Variants in FHIP1A observed in about 807,000 individuals in gnomAD.
The protein encoded by FHIP1A is FHF complex subunit HOOK-interacting protein 1A.
In FHIP1A, 61 loss-of-function variants were observed where a neutral mutation model predicts 88.6. The ratio of observed to expected loss-of-function variants is 0.69; its 90% CI spans 0.56 to 0.85. The LOEUF (loss-of-function observed/expected upper bound fraction) is 0.85. Ranked by LOEUF, FHIP1A falls within the 40% of genes least tolerant of loss-of-function variation. The pLI is 0.00. For synonymous variants in FHIP1A, 478 were observed against 496.0 expected (o/e 0.96, Z 0.48); for missense variants, 1,154 against 1,273.5 (o/e 0.91, Z 1.43).
chr4:151,578,190 T>G (rs1353259274), intron 5 of FHIP1A, 114 bp downstream of exon 5: 2 of 941,306 alleles, frequency 2.1e-6, no homozygotes, highest in East Asian at 2.6e-5. Flanking sequence ...ACTTGGCACT[T>G]CCTATGGAAG....
chr4:151,453,167 C>T (rs975383358), intron 1 of FHIP1A, among the ~76,000 whole-genome samples: 27 of 151,950 alleles, frequency 1.8e-4, no homozygotes, highest in African/African-American at 6.5e-4. Context: ...AGGCGCCTTC[C>T]ACCATGTCTG....
chr4:151,467,665 T>G (rs1306308964), intron 2 of FHIP1A, among the ~76,000 whole-genome samples: 1 of 152,080 alleles, frequency 6.6e-6, no homozygotes, highest in Non-Finnish European at 1.5e-5. Flanking sequence ...AAGAATGAGA[T>G]CATGTCCTTT....
chr4:151,566,399 A>C, intron 4 of FHIP1A, 35 bp downstream of exon 4: 5 of 1,289,258 alleles, frequency 3.9e-6, no homozygotes, highest in Non-Finnish European at 5.5e-6. Context: ...TGCTGGTCTC[A>C]GTAACCCCAG....
chr4:151,507,930 G>A lies in FHIP1A; in HGVS notation c.-123+25282G>A, dbSNP rs189946937. Among the ~76,000 whole-genome samples, 239 of 152,310 alleles carry A rather than the reference G, an allele frequency of 1.6e-3. 1 individual carries two copies. Among genetic ancestry groups the A allele is most frequent in the African/African-American group, 5.3e-3 (220 of 41,578 alleles). On this transcript the variant is annotated intron_variant, in intron 3 of 13. Coordinates refer to ENST00000435205, the MANE Select transcript of FHIP1A (RefSeq NM_001109977.3). ...GTTTCTGATCCTGGAAGCTTGAGTAGTACTGAACTTAGAGTCTCTTTCTTG... is the reference window on the plus strand; with the variant it reads ...GTTTCTGATCCTGGAAGCTTGAGTAATACTGAACTTAGAGTCTCTTTCTTG...
intron 1 of FHIP1A, among the ~76,000 whole-genome samples, chr4:151,449,011 A>G (rs1728703861): frequency 6.6e-6 from 1 of 152,108 alleles, no homozygotes; most frequent in Non-Finnish European, 1.5e-5. Flanking sequence ...TTCTTTCATA[A>G]CATTTACCAC....
At chr4:151,649,385 A>G in intron 10 of FHIP1A, 74 bp from the exon 11 acceptor site, 4 of 1,079,620 alleles carry the variant, frequency 3.7e-6, no homozygotes. Context: ...CTTAGCCCGA[A>G]TGGGTCACAA....
At chr4:151,506,666 A>T (rs1000341942) in intron 3 of FHIP1A, among the ~76,000 whole-genome samples, 52 of 152,014 alleles carry the variant, frequency 3.4e-4, no homozygotes, top group African/African-American at 1.2e-3. Context: ...GAAGTTATTC[A>T]CTCCTAAGAA....
chr4:151,427,021 A>G (rs1042202286), intron 1 of FHIP1A, among the ~76,000 whole-genome samples: 8 of 152,154 alleles, frequency 5.3e-5, no homozygotes, highest in Non-Finnish European at 7.4e-5. Context: ...TAAAACACAC[A>G]TGCCCAATTC....
chr4:151,455,692 T>C (rs1187973566), intron 2 of FHIP1A, among the ~76,000 whole-genome samples: 1 of 152,226 alleles, frequency 6.6e-6, no homozygotes, highest in Admixed American at 6.5e-5. Flanking sequence ...TCTTGGTCAG[T>C]GGGACCACAT....
At chr4:151,464,476 A>C (rs1729241635) in intron 2 of FHIP1A, among the ~76,000 whole-genome samples, 1 of 152,210 alleles carries the variant, frequency 6.6e-6, no homozygotes, top group African/African-American at 2.4e-5. Context: ...GGCTCTGTGG[A>C]CCTCACTTTG....
intron 5 of FHIP1A, among the ~76,000 whole-genome samples, chr4:151,582,343 C>T (rs1336936647): frequency 6.6e-6 from 1 of 151,838 alleles, no homozygotes; most frequent in African/African-American, 2.4e-5. Context: ...CTGTGCATGT[C>T]ATCTTTCTTT....
chr4:151,649,347 A>G, intron 10 of FHIP1A, 112 bp from the exon 11 acceptor site: 1 of 657,404 alleles, frequency 1.5e-6, no homozygotes, highest in Non-Finnish European at 2.6e-6. Context: ...AGATATAATT[A>G]GACCCAAAGT....
chr4:151,580,045 G>A (rs926693399), intron 5 of FHIP1A, among the ~76,000 whole-genome samples: 1 of 152,046 alleles, frequency 6.6e-6, no homozygotes, highest in African/African-American at 2.4e-5. Flanking sequence ...TCCTTAATAC[G>A]ACTAGTATCC....
intron 4 of FHIP1A, among the ~76,000 whole-genome samples, chr4:151,566,875 G>A (rs1283994717): frequency 3.9e-5 from 6 of 152,104 alleles, no homozygotes; most frequent in South Asian, 2.1e-4. Context: ...AAATTACCGA[G>A]GTTAAATAAC....
Position 151,431,997 on chromosome 4 carries a change from C to T in FHIP1A, c.-356+22532C>T, listed in dbSNP as rs1580557201. Among the ~76,000 whole-genome samples the T allele has an allele frequency of 2.6e-5, 4 of 152,324 alleles. No individual in the cohort carries two copies. In the South Asian group the frequency reaches 8.3e-4, roughly 32 times the overall value. On this transcript the variant is annotated intron_variant, in intron 1 of 13. Transcript: ENST00000435205. Reference sequence around the variant, plus strand: ...TCTAAAGCAAAGCTGGTGACCTTAACTACTCTGTAGTACAGCCTTTCCTCT... The same window carrying T: ...TCTAAAGCAAAGCTGGTGACCTTAATTACTCTGTAGTACAGCCTTTCCTCT...
intron 5 of FHIP1A, among the ~76,000 whole-genome samples, chr4:151,578,976 G>A (rs549031179): frequency 1.3e-4 from 20 of 152,294 alleles, no homozygotes; most frequent in Admixed American, 2.6e-4. Context: ...GCTTATTACT[G>A]AGTGAAAGAA....
rs951768133 is a variant in FHIP1A at position 151,655,175 on chromosome 4, G to T, written c.2552-1057G>T. Among the ~76,000 whole-genome samples the T allele has an allele frequency of 2.0e-5, 3 of 152,238 alleles. No homozygotes were observed. In the East Asian group the frequency reaches 5.8e-4, roughly 29 times the overall value. On this transcript the variant is annotated intron_variant, in intron 11 of 13. Transcript: ENST00000435205. ...AGGCATGGCTTATATATCAAGGGAT[G>T]TGTGCTTTCGTTGTAAACATGCCAT... is the stretch of plus-strand genomic sequence containing the variant.
At chr4:151,547,829 A>G (rs1456547188) in intron 3 of FHIP1A, among the ~76,000 whole-genome samples, 1 of 151,936 alleles carries the variant, frequency 6.6e-6, no homozygotes, top group Non-Finnish European at 1.5e-5. Flanking sequence ...CAGGAGAATC[A>G]TTTGAACCTG....
At chr4:151,527,996 A>G (rs1193896050) in intron 3 of FHIP1A, among the ~76,000 whole-genome samples, 1 of 152,216 alleles carries the variant, frequency 6.6e-6, no homozygotes, top group Non-Finnish European at 1.5e-5. Context: ...AGCTCCAAAC[A>G]GAAGCCCAAG....
Sources: allele counts gnomAD v4.1 joint callset (sites outside exome capture counted in the v4.1 genomes callset), GRCh38; gene constraint gnomAD v4.1.1; transcripts MANE v1.5; gene names NCBI Gene and HGNC (gene_info 2026-07-23, HGNC 2026-07-21).